The following CALN1 variants were observed in gnomAD, a reference collection of about 807,000 sequenced individuals.
CALN1 encodes the protein calcium-binding protein 8.
In CALN1, 17 loss-of-function variants were observed where a neutral mutation model predicts 30.6. The ratio of observed to expected loss-of-function variants is 0.56; its 90% confidence interval spans 0.38 to 0.83. The LOEUF is 0.83. CALN1 is among the 40% of genes least tolerant of loss of function. The pLI, the probability that CALN1 is intolerant of heterozygous loss-of-function variation, is 0.00. For missense variants in CALN1, 291 were observed against 354.9 expected (o/e 0.82, Z 1.45); for synonymous variants, 156 against 131.4 (o/e 1.19, Z -1.28).
chr7:72,133,703 A>G (rs935063674), intron 3 of CALN1, among the ~76,000 whole-genome samples: 2 of 152,228 alleles, frequency 1.3e-5, no homozygotes, highest in Admixed American at 6.5e-5. Flanking sequence ...GAATTCAACA[A>G]TCAAAGTCAA....
chr7:72,298,731 T>A (rs766013681), intron 2 of CALN1, among the ~76,000 whole-genome samples: 1 of 151,554 alleles, frequency 6.6e-6, no homozygotes, highest in Non-Finnish European at 1.5e-5. Context: ...GGGAGGTGAC[T>A]GAATTATGGG....
chr7:72,434,168 G>C (rs1264556374), intron 1 of CALN1, among the ~76,000 whole-genome samples: 2 of 151,832 alleles, frequency 1.3e-5, no homozygotes, highest in Non-Finnish European at 2.9e-5. Context: ...AGTGCTTAAA[G>C]TTAACAAATA....
At chr7:72,146,227 TG>T (rs1563096778) in intron 3 of CALN1, among the ~76,000 whole-genome samples, 1 of 152,120 alleles carries the variant, frequency 6.6e-6, no homozygotes, top group African/African-American at 2.4e-5. Context: ...AAAACCCCAT[TG>T]TCTCAGCCCA....
At chr7:72,469,127 G>A in the CALN1 span, among the ~76,000 whole-genome samples, 2 of 151,998 alleles carry the variant, frequency 1.3e-5, no homozygotes, top group African/African-American at 4.8e-5. Flanking sequence ...GAACCCACTG[G>A]TTCACAAAAA....
In CALN1 at chr7:72,336,636, G is replaced by A. The variant is rs10274765; in HGVS notation, c.120-57826C>T. 228 of 956,628 alleles carry A rather than the reference G, an allele frequency of 2.4e-4. 1 individual carries two copies. The African/African-American group carries it at 3.6e-3, about 15-fold the overall frequency. 59.3% of individuals were successfully genotyped at this position (956,628 alleles called of 1,614,324 possible). On this transcript the variant is annotated intron_variant, in intron 2 of 6. Coordinates refer to ENST00000395275, the MANE Select transcript of CALN1 (RefSeq NM_031468.4). ...GGGTTTGGACACCCTAGAGAGAAGC[G>A]AGGACCGAGGGAAGAAGAAAAGAGA...
chr7:72,335,958 G>A (rs1020495679), intron 2 of CALN1, among the ~76,000 whole-genome samples: 2 of 152,206 alleles, frequency 1.3e-5, no homozygotes, highest in Non-Finnish European at 2.9e-5. Context: ...GCGCTAGTCC[G>A]GAGAAACTAG....
At chr7:71,941,225 C>T (rs1796112915) in intron 5 of CALN1, among the ~76,000 whole-genome samples, 1 of 149,554 alleles carries the variant, frequency 6.7e-6, no homozygotes, top group South Asian at 2.1e-4. Flanking sequence ...TGGCAGGTGC[C>T]TGTAATCCCA....
intron 3 of CALN1, among the ~76,000 whole-genome samples, chr7:72,252,700 C>T (rs943262501): frequency 1.3e-5 from 2 of 152,046 alleles, no homozygotes; most frequent in Non-Finnish European, 2.9e-5. Context: ...GGCCACCACC[C>T]TTGTCCTAGC....
intron 4 of CALN1, among the ~76,000 whole-genome samples, chr7:72,092,625 TAAAA>T (rs369445548): frequency 0.44 from 46,129 of 105,722 alleles, 9,865 homozygotes; most frequent in East Asian, 0.93. Context: ...TGTATTCTAG[TAAAA>T]AAAAAAAAAA....
chr7:72,207,419 T>C (rs1186311297), intron 3 of CALN1, among the ~76,000 whole-genome samples: 5 of 152,182 alleles, frequency 3.3e-5, no homozygotes, highest in Non-Finnish European at 7.3e-5. Context: ...GCCTGTTTTA[T>C]TTTCTTGAGA....
chr7:72,171,012 C>T (rs1427238802), intron 3 of CALN1, among the ~76,000 whole-genome samples: 2 of 152,052 alleles, frequency 1.3e-5, no homozygotes, highest in Non-Finnish European at 2.9e-5. Context: ...CAAAAATTAG[C>T]TGGGCATGGC....
In CALN1 at chr7:72,016,998, C is replaced by CAAAAAAAAAAAAAAAAAAA. The variant is rs754201004; in HGVS notation, c.501+6640_501+6658dup. Reference sequence around the variant, plus strand: ...CAAAACCCCGTGTTTACTAAAAATACAAAAAAAAAAAAAAAAAAAGCTGGG... The same window carrying CAAAAAAAAAAAAAAAAAAA: ...CAAAACCCCGTGTTTACTAAAAATACAAAAAAAAAAAAAAAAAAAAAAAAAAAAAAAAAAAAAAGCTGGG... On this transcript the variant is annotated intron_variant, in intron 5 of 6. Transcript: ENST00000395275. 5.6e-3 allele frequency among the ~76,000 whole-genome samples: 179 copies of CAAAAAAAAAAAAAAAAAAA among 31,906 alleles called. 13 individuals are homozygous for CAAAAAAAAAAAAAAAAAAA. The highest frequency in any genetic ancestry group is 6.5e-3 in the Non-Finnish European group (112 of 17,326). 20.9% of individuals were successfully genotyped at this position (31,906 alleles called of 152,430 possible). A position where few individuals can be genotyped will look rare whatever the true frequency, so the allele number is the denominator to read the frequency against.
the CALN1 span, among the ~76,000 whole-genome samples, chr7:72,481,298 G>T: frequency 6.6e-6 from 1 of 152,158 alleles, no homozygotes; most frequent in Non-Finnish European, 1.5e-5. Context: ...ATGTTGGCCA[G>T]GCTGGCCTGG....
chr7:72,373,318 A>G (rs77633598), intron 2 of CALN1, among the ~76,000 whole-genome samples: 3,871 of 152,224 alleles, frequency 0.025, 158 homozygotes, highest in African/African-American at 0.086. Flanking sequence ...GAAAAAACAT[A>G]TGATGCAGAA....
chr7:72,027,995 C>G (rs844688), intron 4 of CALN1, among the ~76,000 whole-genome samples: 1,529 of 134,690 alleles, frequency 0.011, 29 homozygotes, highest in African/African-American at 0.039. Flanking sequence ...GGAGGCGGAG[C>G]TTGCAGTGAG....
intron 5 of CALN1, among the ~76,000 whole-genome samples, chr7:71,999,750 T>C (rs1344684596): frequency 6.6e-6 from 1 of 152,082 alleles, no homozygotes; most frequent in African/African-American, 2.4e-5. Flanking sequence ...TGACCTCAAG[T>C]GATCCACCAG....
chr7:71,811,574 G>A (rs1382354156), intron 5 of CALN1, among the ~76,000 whole-genome samples: 1 of 152,072 alleles, frequency 6.6e-6, no homozygotes, highest in South Asian at 2.1e-4. Flanking sequence ...AGCTGCTGAA[G>A]GAGAGGTGCA....
intron 4 of CALN1, among the ~76,000 whole-genome samples, chr7:72,088,784 G>GAGAAGGAAGGGAAGGAAGGAA (rs1554436695): frequency 1.3e-5 from 2 of 149,018 alleles, no homozygotes; most frequent in Admixed American, 6.7e-5. Context: ...AGAGAAGGAA[G>GAGAAGGAAGGGAAGGAAGGAA]GGAAGGAAGG....
chr7:72,205,636 G>T (rs1285939394), intron 3 of CALN1, among the ~76,000 whole-genome samples: 2 of 138,460 alleles, frequency 1.4e-5, no homozygotes, highest in Non-Finnish European at 3.0e-5. Flanking sequence ...ATCTCAATTT[G>T]TCAGGCTGGT....
Sources: gnomAD v4.1 joint callset for allele counts (sites outside exome capture counted in the v4.1 genomes callset) on GRCh38, gnomAD v4.1.1 for gene constraint, MANE v1.5 for transcripts, NCBI Gene and HGNC (gene_info 2026-07-23, HGNC 2026-07-21) for gene names.